STOX2: variants seen among roughly 807,000 people sequenced by gnomAD.
STOX2 encodes the protein storkhead-box protein 2.
STOX2 carries 28 observed loss-of-function variants against 60.9 expected under a neutral mutation model. That is an observed-to-expected ratio of 0.46 (90% confidence interval 0.34 to 0.63). STOX2 has a LOEUF of 0.63. Among genes scored for constraint, STOX2 ranks in the 30% least tolerant of loss-of-function variants. STOX2 has a pLI of 0.01. For missense variants in STOX2, 1,024 were observed against 1,187.7 expected (o/e 0.86, Z 2.03); for synonymous variants, 472 against 463.9 (o/e 1.02, Z -0.22).
At chr4:183,831,516 T>C (rs1739567934) in intron 1 of STOX2, among the ~76,000 whole-genome samples, 1 of 151,170 alleles carries the variant, frequency 6.6e-6, no homozygotes, top group Non-Finnish European at 1.5e-5. Context: ...TTTTTTTTTT[T>C]GGTGAATATC....
At chr4:183,968,790 C>T (rs375006136) in intron 1 of STOX2, among the ~76,000 whole-genome samples, 2 of 12,934 alleles carry the variant, frequency 1.5e-4, no homozygotes, top group Admixed American at 1.2e-3. Flanking sequence ...GGGGTTTGGC[C>T]GGGGGAGGGG....
intron 1 of STOX2, among the ~76,000 whole-genome samples, chr4:183,933,294 G>A (rs939903291): frequency 3.9e-5 from 6 of 152,206 alleles, no homozygotes; most frequent in Non-Finnish European, 5.9e-5. Flanking sequence ...AGCCAAAGAC[G>A]TAATTGGGAA....
At position 184,009,252 on chromosome 4, in the gene STOX2, C is replaced by T. The variant is rs960476986; in HGVS notation, c.414C>T (p.Ile138=). The change falls in exon 3 of 4, where the codon ATC becomes ATT. Residue 138 remains isoleucine (I), a synonymous_variant. Transcript: ENST00000308497. This position sits in a 1 kb window ranked among gnomAD's most constrained non-coding sequence, Gnocchi z 4.0. ...KIYPTPDGYF[I]VTPQTYFITP... is the part of the protein sequence containing the mutation. ...ACCCAACTCCAGATGGCTACTTCAT[C>T]GTGACCCCACAGACTTATTTCATAA... 8.3e-6 allele frequency: 13 copies of T among 1,572,754 alleles called. No homozygotes were observed. The highest frequency in any genetic ancestry group is 3.4e-5 in the Admixed American group (2 of 58,554).
At chr4:183,902,802 A>C (rs73870951), upstream of STOX2, among the ~76,000 whole-genome samples, 5,771 of 152,248 alleles carry the variant, frequency 0.038, 372 homozygotes, top group African/African-American at 0.13. Flanking sequence ...TACACCACCC[A>C]TACCTACTTT....
At chr4:183,907,320 C>G (rs1741649470) in intron 1 of STOX2, among the ~76,000 whole-genome samples, 1 of 152,144 alleles carries the variant, frequency 6.6e-6, no homozygotes, top group Admixed American at 6.5e-5. Flanking sequence ...GCATTGTGGC[C>G]GGTTATCTGA....
intron 1 of STOX2, among the ~76,000 whole-genome samples, chr4:183,824,831 G>T (rs936649754): frequency 6.6e-6 from 1 of 152,170 alleles, no homozygotes; most frequent in Non-Finnish European, 1.5e-5. Flanking sequence ...CCCCAGACAC[G>T]CAGGGCAGCA....
rs138507940 is a variant in STOX2, at chr4:183,836,520, T to C, written c.364+38465T>C. Among the ~76,000 whole-genome samples, 164 of 152,340 alleles carry C rather than the reference T, an allele frequency of 1.1e-3. No individual in the cohort carries two copies. The highest frequency in any genetic ancestry group is 3.6e-3 in the African/African-American group (149 of 41,574). On this transcript the variant is annotated intron_variant, in intron 1 of 2. Transcript: ENST00000513034. The surrounding 1 kb of genome is among the most constrained non-coding windows in gnomAD (Gnocchi z 4.1). ...AGGGCACGACTCTACTTTCTATGAA[T>C]GTGAACAATGTGAGGGGACTCAGGG...
Position 183,868,443 on chromosome 4 carries a change from A to T in STOX2, c.364+70388A>T, listed in dbSNP as rs547449273. ...TCAGTTTCTTTAAAAAAGAAAAAAA[A>T]ATTGTTTCTCTATGTATGAGTTGGA... On this transcript the variant is annotated intron_variant, in intron 1 of 2. Coordinates refer to the STOX2 transcript ENST00000513034. Among the ~76,000 whole-genome samples the T allele has an allele frequency of 3.3e-5, 5 of 152,154 alleles. No individual in the cohort carries two copies. The South Asian group carries it at 1.0e-3, about 32-fold the overall frequency.
chr4:183,969,037 A>G (rs1403050446), intron 1 of STOX2, among the ~76,000 whole-genome samples: 1 of 152,238 alleles, frequency 6.6e-6, no homozygotes, highest in Non-Finnish European at 1.5e-5. Context: ...TTCTTAAAAC[A>G]AGCCTTTTAT....
intron 1 of STOX2, among the ~76,000 whole-genome samples, chr4:183,985,334 A>C (rs1249904563): frequency 6.6e-6 from 1 of 152,216 alleles, no homozygotes; most frequent in Non-Finnish European, 1.5e-5. Flanking sequence ...AAGATGATTC[A>C]TGTAGGAAGT....
At chr4:183,923,548 C>T (rs2111104797) in intron 1 of STOX2, among the ~76,000 whole-genome samples, 1 of 152,334 alleles carries the variant, frequency 6.6e-6, no homozygotes, top group Middle Eastern at 3.4e-3. Flanking sequence ...AAACGTGCTC[C>T]TGGTTTCTTG....
At chr4:183,998,341 G>T (rs1259676382) in intron 1 of STOX2, among the ~76,000 whole-genome samples, 2 of 152,158 alleles carry the variant, frequency 1.3e-5, no homozygotes, top group African/African-American at 4.8e-5. Flanking sequence ...TAGCACCTCT[G>T]TAAGAAAGCC....
chr4:183,916,522 A>C (rs1676967598), intron 1 of STOX2, among the ~76,000 whole-genome samples: 1 of 152,178 alleles, frequency 6.6e-6, no homozygotes, highest in Middle Eastern at 3.2e-3. Flanking sequence ...GTGAATTAAT[A>C]TGTGTAAAGC....
intron 1 of STOX2, among the ~76,000 whole-genome samples, chr4:183,839,143 A>G (rs1390755349): frequency 6.6e-6 from 1 of 152,186 alleles, no homozygotes; most frequent in African/African-American, 2.4e-5. Context: ...GTTGGCTAGC[A>G]GAGTTCCCTC....
At chr4:183,808,593 C>G (rs1295403361) in intron 1 of STOX2, among the ~76,000 whole-genome samples, 9 of 152,150 alleles carry the variant, frequency 5.9e-5, no homozygotes, top group African/African-American at 1.9e-4. Context: ...ATGCAGAAAG[C>G]AGTACGTTTT....
chr4:183,929,044 A>C (rs191181225), intron 1 of STOX2, among the ~76,000 whole-genome samples: 12 of 152,352 alleles, frequency 7.9e-5, no homozygotes, highest in African/African-American at 2.6e-4. Context: ...TCCTCAGATG[A>C]GTATGTTTCA....
chr4:183,916,964 A>T (rs1398134474), intron 1 of STOX2, among the ~76,000 whole-genome samples: 2 of 152,144 alleles, frequency 1.3e-5, no homozygotes, highest in Admixed American at 6.5e-5. Context: ...CTCCGGCAGC[A>T]CTTCTTGCGC....
At chr4:183,992,518 G>A (rs1458511093) in intron 1 of STOX2, among the ~76,000 whole-genome samples, 2 of 152,196 alleles carry the variant, frequency 1.3e-5, no homozygotes, top group African/African-American at 2.4e-5. Flanking sequence ...AGTACAGGGT[G>A]GCTTAAAATA....
At chr4:183,913,608 T>C (rs1741846119) in intron 1 of STOX2, among the ~76,000 whole-genome samples, 1 of 151,976 alleles carries the variant, frequency 6.6e-6, no homozygotes, top group Non-Finnish European at 1.5e-5. Flanking sequence ...CCGTCTCTAC[T>C]AAGAATACAA....
Sources: allele counts gnomAD v4.1 joint callset (sites outside exome capture counted in the v4.1 genomes callset), GRCh38; gene constraint gnomAD v4.1.1; non-coding constraint Gnocchi (gnomAD v3.1); transcripts MANE v1.5; gene names NCBI Gene and HGNC (gene_info 2026-07-23, HGNC 2026-07-21).